The following SSH2 variants were observed in gnomAD, a reference collection of about 807,000 sequenced individuals.
The protein encoded by SSH2 is protein phosphatase Slingshot homolog 2.
A neutral mutation model predicts 135.2 loss-of-function variants in SSH2; 37 were observed. The ratio of observed to expected loss-of-function variants is 0.27; its 90% CI spans 0.21 to 0.36. SSH2 has a LOEUF of 0.36. Among genes scored for constraint, SSH2 ranks in the 10% least tolerant of loss-of-function variants. The pLI, the probability that SSH2 is intolerant of heterozygous loss-of-function variation, is 1.00. For synonymous variants in SSH2, 628 were observed against 646.2 expected, an observed-to-expected ratio of 0.97 and a Z score of 0.43; for missense variants, 1,408 against 1,765.3, an observed-to-expected ratio of 0.80 and a Z score of 3.63.
At position 29,681,454 on chromosome 17, in the gene SSH2, C is replaced by T. The variant is rs1400461809; in HGVS notation, c.479+3109G>A. 2.0e-5 allele frequency among the ~76,000 whole-genome samples: 3 copies of T among 149,782 alleles called. No individual in the cohort carries two copies. In the South Asian group the frequency reaches 6.3e-4, roughly 31 times the overall value. On this transcript the variant is annotated intron_variant, in intron 6 of 15. Transcript: ENST00000540801. ...ACCTCAGTCTCTCAAGATTTTTCTC[C>T]ATTTAAGTATAACTACTTATTTTAG... is the stretch of plus-strand genomic sequence containing the variant.
rs553902822 is a variant in SSH2 at position 29,663,285 on chromosome 17, C to T, written c.1032+3582G>A. On this transcript the variant is annotated intron_variant, in intron 11 of 15. Transcript: ENST00000540801. The stretch of plus-strand genomic sequence containing the variant: ...CCTCTCTTTACTCAATCTGGTTGAG[C>T]TCCAGGCATGGCAGCTATGCAAGAT... 9.8e-5 allele frequency among the ~76,000 whole-genome samples: 15 copies of T among 152,372 alleles called. No homozygotes were observed. In the South Asian group the frequency reaches 1.0e-3, roughly 11 times the overall value.
chr17:29,797,802 C>G (rs1398759107), intron 2 of SSH2, among the ~76,000 whole-genome samples: 1 of 152,110 alleles, frequency 6.6e-6, no homozygotes, highest in South Asian at 2.1e-4. Context: ...GTGGGAGGAT[C>G]GGTTGAGTCC....
At chr17:29,678,714 T>TTTC (rs1419899551) in intron 6 of SSH2, among the ~76,000 whole-genome samples, 4 of 370 alleles carry the variant, frequency 0.011, no homozygotes, top group Non-Finnish European at 0.019. Context: ...ATACTATTTC[T>TTTC]TTTTTTTTTT....
At chr17:29,784,675 T>A (rs931996756) in intron 3 of SSH2, among the ~76,000 whole-genome samples, 5 of 152,102 alleles carry the variant, frequency 3.3e-5, no homozygotes, top group African/African-American at 1.2e-4. Context: ...TATTTAGAAT[T>A]AGTCATGTCA....
chr17:29,691,997 G>C (rs910984608), intron 5 of SSH2, among the ~76,000 whole-genome samples: 14 of 151,300 alleles, frequency 9.3e-5, no homozygotes, highest in Non-Finnish European at 2.1e-4. Context: ...AAAATTAGCC[G>C]GGTATGGTGG....
rs2035489625 is a variant in SSH2, at chr17:29,626,077, C to T, written c.*4764G>A. 1 of 152,510 alleles carries T rather than the reference C, an allele frequency of 6.6e-6. No homozygotes were observed. Among genetic ancestry groups the T allele is most frequent in the Admixed American group, 6.5e-5 (1 of 15,278 alleles). 9.4% of individuals were successfully genotyped at this position (152,510 alleles called of 1,614,324 possible). ...TGATACAAGTGGAACATCCCAACCA[C>T]CAGGAAGATTAAGGAAGGAGATGAG... On this transcript the variant is annotated 3_prime_UTR_variant, in exon 16 of 16. Transcript: ENST00000540801.
intron 12 of SSH2, among the ~76,000 whole-genome samples, chr17:29,654,468 T>C (rs1222421768): frequency 6.6e-6 from 1 of 152,150 alleles, no homozygotes; most frequent in Non-Finnish European, 1.5e-5. Flanking sequence ...TATCCACTAA[T>C]GGTAAAGATA....
chr17:29,813,583 C>T (rs1048580100), intron 2 of SSH2, among the ~76,000 whole-genome samples: 3 of 150,966 alleles, frequency 2.0e-5, no homozygotes, highest in East Asian at 2.0e-4. Context: ...TTTGGGAGGC[C>T]GAGGCGGGAG....
intron 3 of SSH2, among the ~76,000 whole-genome samples, chr17:29,730,436 T>C (rs2040141397): frequency 1.3e-5 from 2 of 148,758 alleles, no homozygotes; most frequent in East Asian, 3.9e-4. Context: ...ATTTGACTTT[T>C]TCTTTTTTTT....
chr17:29,727,210 A>G (rs1450927286), intron 3 of SSH2, among the ~76,000 whole-genome samples: 1 of 152,360 alleles, frequency 6.6e-6, no homozygotes, highest in East Asian at 1.9e-4. Flanking sequence ...CTACCATTTT[A>G]AACCAATAAT....
At position 29,636,361 on chromosome 17, in the gene SSH2, A is replaced by G; in HGVS notation, c.1869T>C (p.Asp623=). The G allele has an allele frequency of 1.2e-6, 2 of 1,614,096 alleles. No homozygotes were observed. The highest frequency in any genetic ancestry group is 1.7e-6 in the Non-Finnish European group (2 of 1,180,020). ...ANKFPDLTVE[D]LETDALKADM... Reference sequence around the variant, plus strand: ...CTGCTTTCAGTGCATCTGTCTCCAAATCTTCCACTGTTAAGTCTGGAAACT... The same window carrying G: ...CTGCTTTCAGTGCATCTGTCTCCAAGTCTTCCACTGTTAAGTCTGGAAACT... Residue 623 remains aspartate (D), a synonymous_variant, in exon 15 of 16, where the codon GAT becomes GAC. Coordinates refer to ENST00000540801, the MANE Select transcript of SSH2 (RefSeq NM_001282129.2).
At chr17:29,700,667 T>C (rs1172635831) in intron 4 of SSH2, among the ~76,000 whole-genome samples, 4 of 152,144 alleles carry the variant, frequency 2.6e-5, no homozygotes, top group Non-Finnish European at 4.4e-5. Flanking sequence ...CAGCAAAAAG[T>C]TTATCTTAGT....
chr17:29,630,904 A>C lies in SSH2; in HGVS notation c.4290T>G (p.Leu1430=). The C allele has an allele frequency of 6.2e-7, 1 of 1,602,320 alleles. No individual in the cohort carries two copies. The highest frequency in any genetic ancestry group is 1.3e-5 in the African/African-American group (1 of 74,702). The change falls in exon 16 of 16, where the codon CTT becomes CTG. Residue 1430 remains leucine, a synonymous_variant. Transcript: ENST00000540801. ...PRQQHGRTHP[L]RRLKKANDKK... ...TGTCATTTGCCTTTTTCAGTCTCCTAAGGGGGTGAGTTCTGCCGTGTTGCT... is the reference window on the plus strand; with the variant it reads ...TGTCATTTGCCTTTTTCAGTCTCCTCAGGGGGTGAGTTCTGCCGTGTTGCT...
intron 3 of SSH2, among the ~76,000 whole-genome samples, chr17:29,760,499 A>T (rs954762261): frequency 3.3e-5 from 5 of 152,206 alleles, no homozygotes; most frequent in Non-Finnish European, 4.4e-5. Flanking sequence ...ACCACAGTGG[A>T]ATGACAACTC....
Position 29,626,559 on chromosome 17 carries a change from C to G in SSH2, c.*4282G>C, listed in dbSNP as rs1479329813. The G allele has an allele frequency of 5.9e-5, 9 of 152,616 alleles. No homozygotes were observed. The highest frequency in any genetic ancestry group is 1.3e-4 in the Non-Finnish European group (9 of 68,044). 9.5% of individuals were successfully genotyped at this position (152,616 alleles called of 1,614,324 possible). A position where few individuals can be genotyped will look rare whatever the true frequency, so the allele number is the denominator to read the frequency against. On this transcript the variant is annotated 3_prime_UTR_variant, in exon 16 of 16. Coordinates refer to ENST00000540801, the MANE Select transcript of SSH2 (RefSeq NM_001282129.2). The stretch of plus-strand genomic sequence containing the variant: ...ATGATTCCAGTTTAGAAATCCTATC[C>G]TAGACCTCTGGGGCACTGAGAAAAT...
At chr17:29,658,882 A>G (rs1369286316) in intron 11 of SSH2, among the ~76,000 whole-genome samples, 1 of 151,154 alleles carries the variant, frequency 6.6e-6, no homozygotes, top group East Asian at 1.9e-4. Context: ...AAAAAAAAAA[A>G]AAAAAAAAAA....
chr17:29,643,295 A>G (rs1171272583), intron 14 of SSH2: 1 of 985,232 alleles, frequency 1.0e-6, no homozygotes, highest in African/African-American at 1.7e-5. Context: ...CCTAACAGCT[A>G]TATATCCAAC....
chr17:29,750,336 G>A (rs1359707937), intron 3 of SSH2, among the ~76,000 whole-genome samples: 5 of 151,178 alleles, frequency 3.3e-5, no homozygotes, highest in African/African-American at 1.2e-4. Flanking sequence ...CTACTTGGAA[G>A]GCTGAGGCAG....
intron 3 of SSH2, among the ~76,000 whole-genome samples, chr17:29,792,434 A>G (rs551483327): frequency 6.6e-5 from 10 of 152,150 alleles, no homozygotes; most frequent in Non-Finnish European, 1.5e-4. Context: ...ACATTCAGCT[A>G]AAATTTATTT....
Sources: gnomAD v4.1 joint callset for allele counts (sites outside exome capture counted in the v4.1 genomes callset) on GRCh38, gnomAD v4.1.1 for gene constraint, MANE v1.5 for transcripts, NCBI Gene and HGNC (gene_info 2026-07-23, HGNC 2026-07-21) for gene names.